Variants in MAVS observed in about 807,000 individuals in gnomAD.
MAVS encodes the protein mitochondrial antiviral-signaling protein.
MAVS carries 20 observed loss-of-function variants against 30.2 expected under a neutral mutation model. That is an observed-to-expected ratio of 0.66 (90% CI 0.47 to 0.96). MAVS has a LOEUF of 0.96. Among genes scored for constraint, MAVS ranks in the 40% least tolerant of loss-of-function variants. The pLI is 0.00. For synonymous variants in MAVS, 278 were observed against 293.9 expected, an observed-to-expected ratio of 0.95 and a Z score of 0.55; for missense variants, 624 against 701.1, an observed-to-expected ratio of 0.89 and a Z score of 1.24.
chr20:3,859,917 C>T (rs373677629), intron 3 of MAVS, among the ~76,000 whole-genome samples: 5 of 147,772 alleles, frequency 3.4e-5, no homozygotes, highest in African/African-American at 5.0e-5. Flanking sequence ...CCCGGGTTCA[C>T]GCCATTCTCC....
In MAVS at chr20:3,871,249, G is replaced by A. The variant is rs906969680; in HGVS notation, c.*5102G>A. On this transcript the variant is annotated 3_prime_UTR_variant, in exon 7 of 7. Coordinates refer to ENST00000428216, the MANE Select transcript of MAVS (RefSeq NM_020746.5). ...AAAGCCAAGGGGCAGATGCGGGTCT[G>A]GAGGATTTTGTGCCTAAGGCCCTCT... The A allele has an allele frequency of 3.9e-5, 6 of 153,956 alleles. No individual in the cohort carries two copies. Among genetic ancestry groups the A allele is most frequent in the Non-Finnish European group, 8.8e-5 (6 of 68,112 alleles). The allele number at this position is 153,956 out of a possible 1,614,324, so 9.5% of individuals were successfully genotyped here.
intron 3 of MAVS, among the ~76,000 whole-genome samples, chr20:3,859,639 A>T (rs551686197): frequency 2.0e-4 from 30 of 151,978 alleles, no homozygotes; most frequent in Non-Finnish European, 4.0e-4. Context: ...AATGATAGTC[A>T]TGTGGAGGAG....
rs1266316598 is a variant in MAVS at position 3,866,242 on chromosome 20, G to A, written c.*95G>A. ...CCCTTGTCCCTTTCTTGGGGATTGT[G>A]GAGGCTGGGTCAGAGGGGAGTTAAG... On this transcript the variant is annotated 3_prime_UTR_variant, in exon 7 of 7. Coordinates refer to ENST00000428216, the MANE Select transcript of MAVS (RefSeq NM_020746.5). 4 of 1,251,120 alleles carry A rather than the reference G, an allele frequency of 3.2e-6. No homozygotes were observed. The highest frequency in any genetic ancestry group is 2.8e-5 in the Admixed American group (1 of 35,816). 77.5% of individuals were successfully genotyped at this position (1,251,120 alleles called of 1,614,324 possible). A position where few individuals can be genotyped will look rare whatever the true frequency, so the allele number is the denominator to read the frequency against.
At position 3,873,118 on chromosome 20, in the gene MAVS, G is replaced by C. The variant is rs2089967524; in HGVS notation, c.*6971G>C. 6.6e-6 allele frequency: 1 copy of C among 152,242 alleles called. No individual in the cohort carries two copies. Among genetic ancestry groups the C allele is most frequent in the Non-Finnish European group, 1.5e-5 (1 of 68,048 alleles). The allele number at this position is 152,242 out of a possible 1,614,324, so 9.4% of individuals were successfully genotyped here. Reference sequence around the variant, plus strand: ...AAGATGAAATGCTGATGAAAATATGGAGGAAATGAAACTCTCATGGGTTTT... The same window carrying C: ...AAGATGAAATGCTGATGAAAATATGCAGGAAATGAAACTCTCATGGGTTTT... On this transcript the variant is annotated 3_prime_UTR_variant, in exon 7 of 7. Transcript: ENST00000428216.
intron 3 of MAVS, 21 bp from the exon 4 acceptor site, chr20:3,861,311 C>T: frequency 1.3e-6 from 2 of 1,594,932 alleles, no homozygotes; most frequent in Non-Finnish European, 1.7e-6. Flanking sequence ...TTCTTGATAT[C>T]ACTACATCTT....
chr20:3,865,934 G>A lies in MAVS; in HGVS notation c.1410G>A (p.Val470=). 1.9e-6 allele frequency: 3 copies of A among 1,613,798 alleles called. No individual in the cohort carries two copies. The highest frequency in any genetic ancestry group is 2.7e-5 in the African/African-American group (2 of 75,054). The change falls in exon 7 of 7, where the codon GTG becomes GTA. Residue 470 remains valine, a synonymous_variant. Coordinates refer to ENST00000428216, the MANE Select transcript of MAVS (RefSeq NM_020746.5). The surrounding 1 kb of genome is among the most constrained non-coding windows in gnomAD (Gnocchi z 4.7). ...YKSEGTFGIH[V]AENPSIQLLE... ...CCGAGGGCACCTTTGGGATCCACGT[G>A]GCTGAGAACCCCAGCATCCAGCTCC...
At chr20:3,858,538 G>A (rs1440561679) in intron 3 of MAVS, among the ~76,000 whole-genome samples, 3 of 151,668 alleles carry the variant, frequency 2.0e-5, no homozygotes, top group Non-Finnish European at 2.9e-5. Context: ...AATTAGCCGG[G>A]CATGTTGTCC....
At chr20:3,847,109 C>T (rs1231328823) in intron 1 of MAVS, among the ~76,000 whole-genome samples, 1 of 152,218 alleles carries the variant, frequency 6.6e-6, no homozygotes, top group Admixed American at 6.5e-5. Flanking sequence ...GCTCCAGGCG[C>T]CGCATCCAGC....
chr20:3,869,377 G>A lies in MAVS; in HGVS notation c.*3230G>A, dbSNP rs930813996. On this transcript the variant is annotated 3_prime_UTR_variant, in exon 7 of 7. Transcript: ENST00000428216. ...TTTAGTAGAGACGGGGTTTCACTGT[G>A]TTAGCCAGGATGGTCTCGATCTCCT... is the stretch of plus-strand genomic sequence containing the variant. 6.6e-6 allele frequency: 1 copy of A among 151,866 alleles called. No individual in the cohort carries two copies. Among genetic ancestry groups the A allele is most frequent in the Non-Finnish European group, 1.5e-5 (1 of 68,002 alleles). The allele number at this position is 151,866 out of a possible 1,614,324, so 9.4% of individuals were successfully genotyped here.
rs190289883 is a variant in MAVS at position 3,859,984 on chromosome 20, C to T, written c.293-1348C>T. Among the ~76,000 whole-genome samples the T allele has an allele frequency of 2.1e-3, 316 of 151,144 alleles. 3 individuals are homozygous for T. The highest frequency in any genetic ancestry group is 6.0e-3 in the Admixed American group (91 of 15,092). ...GGCGCCTGCAACCATGCCCGGCTAACTTTTTGTATTTTTTAGTAGAGATGG... is the reference window on the plus strand; with the variant it reads ...GGCGCCTGCAACCATGCCCGGCTAATTTTTTGTATTTTTTAGTAGAGATGG... On this transcript the variant is annotated intron_variant, in intron 3 of 6. Coordinates refer to ENST00000428216, the MANE Select transcript of MAVS (RefSeq NM_020746.5).
At chr20:3,853,302 C>T (rs542030842) in intron 1 of MAVS, among the ~76,000 whole-genome samples, 44 of 150,516 alleles carry the variant, frequency 2.9e-4, no homozygotes, top group Middle Eastern at 6.9e-3. Flanking sequence ...CTGGCTAACC[C>T]CGTGAAACCC....
In MAVS at chr20:3,852,010, C is replaced by CTTTTTT. The variant is rs1568531967; in HGVS notation, c.-67-2548_-67-2547insTTTTTT. Among the ~76,000 whole-genome samples, 38 of 39,434 alleles carry CTTTTTT rather than the reference C, an allele frequency of 9.6e-4. 2 individuals carry two copies. The highest frequency in any genetic ancestry group is 4.6e-3 in the African/African-American group (35 of 7,616). 25.9% of individuals were successfully genotyped at this position (39,434 alleles called of 152,430 possible). ...GCAGGCTTTTTTTTTTTTTTTTTCC[C>CTTTTTT]CCGAGACGGAATCTGGCTCTGTCGC... is the stretch of plus-strand genomic sequence containing the variant. On this transcript the variant is annotated intron_variant, in intron 1 of 6. Transcript: ENST00000428216.
chr20:3,869,597 C>G lies in MAVS; in HGVS notation c.*3450C>G, dbSNP rs1568540570. The G allele has an allele frequency of 6.6e-6, 1 of 151,422 alleles. No homozygotes were observed. Among genetic ancestry groups the G allele is most frequent in the Admixed American group, 6.6e-5 (1 of 15,160 alleles). 9.4% of individuals were successfully genotyped at this position (151,422 alleles called of 1,614,324 possible). A position where few individuals can be genotyped will look rare whatever the true frequency, so the allele number is the denominator to read the frequency against. ...GTGAGACACTGCACCCAAACCCCACCACTTTTTTTTTTCCTTTTTCTTTTT... is the reference window on the plus strand; with the variant it reads ...GTGAGACACTGCACCCAAACCCCACGACTTTTTTTTTTCCTTTTTCTTTTT... On this transcript the variant is annotated 3_prime_UTR_variant, in exon 7 of 7. Transcript: ENST00000428216.
chr20:3,861,004 T>TC (rs1279729120), intron 3 of MAVS, among the ~76,000 whole-genome samples: 1 of 149,026 alleles, frequency 6.7e-6, no homozygotes, highest in East Asian at 2.0e-4. Flanking sequence ...TTCTTTCTTT[T>TC]TTTTTTTAGA....
chr20:3,851,668 T>C (rs1314247505), intron 1 of MAVS, among the ~76,000 whole-genome samples: 1 of 151,826 alleles, frequency 6.6e-6, no homozygotes, highest in Non-Finnish European at 1.5e-5. Flanking sequence ...CTTAAGAATG[T>C]ATGTGGGCCG....
At chr20:3,850,017 G>A (rs1268098075) in intron 1 of MAVS, among the ~76,000 whole-genome samples, 1 of 152,160 alleles carries the variant, frequency 6.6e-6, no homozygotes, top group Admixed American at 6.6e-5. Flanking sequence ...GGTGGCTCAT[G>A]CCTGTAATCC....
rs563544860 is a variant in MAVS at position 3,853,481 on chromosome 20, G to A, written c.-67-1077G>A. Among the ~76,000 whole-genome samples the A allele has an allele frequency of 1.7e-4, 22 of 133,208 alleles. No individual in the cohort carries two copies. The South Asian group carries it at 3.7e-3, about 23-fold the overall frequency. 87.4% of individuals were successfully genotyped at this position (133,208 alleles called of 152,430 possible). ...AGCCTGGGCGACAGAGAAAGACTCC[G>A]TCTCAAAAAAAAAAAAAAGAAATTA... On this transcript the variant is annotated intron_variant, in intron 1 of 6. Transcript: ENST00000428216.
chr20:3,862,960 C>T (rs1211237545), intron 5 of MAVS, among the ~76,000 whole-genome samples: 12 of 152,126 alleles, frequency 7.9e-5, no homozygotes, highest in Non-Finnish European at 1.5e-4. Flanking sequence ...CCTCCCTAGA[C>T]GGGAGGACTG....
rs1406061788 is a variant in MAVS, at chr20:3,875,128, C to T, written c.*8981C>T. The stretch of plus-strand genomic sequence containing the variant: ...ACCTCCTTGCCTACATTTTAAAAAC[C>T]TAGAGCTGGGCATGATGGCCCCAGC... On this transcript the variant is annotated 3_prime_UTR_variant, in exon 7 of 7. Transcript: ENST00000428216. 1.3e-5 allele frequency: 2 copies of T among 152,228 alleles called. No individual in the cohort carries two copies. Among genetic ancestry groups the T allele is most frequent in the African/African-American group, 4.8e-5 (2 of 41,450 alleles). 9.4% of individuals were successfully genotyped at this position (152,228 alleles called of 1,614,324 possible).
Sources: allele counts gnomAD v4.1 joint callset (sites outside exome capture counted in the v4.1 genomes callset), GRCh38; gene constraint gnomAD v4.1.1; non-coding constraint Gnocchi (gnomAD v3.1); transcripts MANE v1.5; gene names NCBI Gene and HGNC (gene_info 2026-07-23, HGNC 2026-07-21).